The following PDE11A variants were observed in gnomAD, a reference collection of about 807,000 sequenced individuals.
The protein encoded by PDE11A is dual 3',5'-cyclic-AMP and -GMP phosphodiesterase 11A.
A neutral mutation model predicts 100.5 loss-of-function variants in PDE11A; 100 were observed. The ratio of observed to expected loss-of-function variants is 1.00; its 90% confidence interval spans 0.85 to 1.18. PDE11A has a LOEUF of 1.18. Among genes scored for constraint, PDE11A ranks in the 50% most tolerant of loss-of-function variants. PDE11A has a pLI of 0.00. For missense variants in PDE11A, 1,141 were observed against 1,152.6 expected (o/e 0.99, Z 0.15); for synonymous variants, 381 against 420.8 (o/e 0.91, Z 1.16).
intron 10 of PDE11A, among the ~76,000 whole-genome samples, chr2:177,734,701 C>A (rs2081747112): frequency 1.3e-5 from 2 of 152,110 alleles, no homozygotes; most frequent in Admixed American, 6.5e-5. Context: ...TTTGTATAAA[C>A]AATCACAAAA....
chr2:177,659,585 A>G (rs1390961703), intron 19 of PDE11A, among the ~76,000 whole-genome samples: 1 of 152,196 alleles, frequency 6.6e-6, no homozygotes, highest in African/African-American at 2.4e-5. Flanking sequence ...AAGATTTATA[A>G]TGACTCTGCA....
chr2:178,040,104 C>T (rs1400149957), intron 1 of PDE11A, among the ~76,000 whole-genome samples: 1 of 115,802 alleles, frequency 8.6e-6, no homozygotes. Context: ...CACTCTTGTT[C>T]CCCAGGCTGG....
chr2:177,678,906 A>T (rs769994089), intron 16 of PDE11A, among the ~76,000 whole-genome samples: 27 of 152,098 alleles, frequency 1.8e-4, no homozygotes, highest in Admixed American at 9.8e-4. Context: ...TAGTAGTGAC[A>T]CTAGAAGGAT....
intron 9 of PDE11A, among the ~76,000 whole-genome samples, chr2:177,789,820 C>T (rs919677289): frequency 2.0e-5 from 3 of 151,976 alleles, no homozygotes; most frequent in African/African-American, 4.8e-5. Flanking sequence ...TACCTAGGAA[C>T]CCAACTTACA....
chr2:177,843,197 A>G (rs2083518766), intron 5 of PDE11A, among the ~76,000 whole-genome samples: 1 of 152,222 alleles, frequency 6.6e-6, no homozygotes, highest in South Asian at 2.1e-4. Flanking sequence ...TATTTTATAG[A>G]TCAGAAAATG....
At chr2:178,021,637 C>T (rs1358130640) in intron 1 of PDE11A, among the ~76,000 whole-genome samples, 2 of 152,094 alleles carry the variant, frequency 1.3e-5, no homozygotes, top group African/African-American at 4.8e-5. Flanking sequence ...CAAGTAATCA[C>T]CACAAATGAG....
intron 2 of PDE11A, among the ~76,000 whole-genome samples, chr2:177,966,049 T>C (rs578081018): frequency 6.6e-6 from 1 of 152,334 alleles, no homozygotes; most frequent in African/African-American, 2.4e-5. Context: ...TGTTTCGTAA[T>C]TCACATTGCA....
At chr2:177,784,507 A>C (rs903789677) in intron 9 of PDE11A, among the ~76,000 whole-genome samples, 5 of 152,190 alleles carry the variant, frequency 3.3e-5, no homozygotes, top group Non-Finnish European at 7.3e-5. Context: ...TTAGCACATA[A>C]TCAAAAAATA....
intron 13 of PDE11A, among the ~76,000 whole-genome samples, chr2:177,708,489 G>A (rs571693087): frequency 6.6e-6 from 1 of 152,316 alleles, no homozygotes; most frequent in Admixed American, 6.5e-5. Context: ...TTTGAGGCAG[G>A]AGGGAGAAGA....
At chr2:177,659,467 T>C (rs1197077446) in intron 19 of PDE11A, among the ~76,000 whole-genome samples, 1 of 152,092 alleles carries the variant, frequency 6.6e-6, no homozygotes, top group African/African-American at 2.4e-5. Flanking sequence ...TCCTTTTGCA[T>C]TATCTGTGAG....
rs761241688 is a variant in PDE11A, at chr2:178,072,001, T to C, written c.437A>G (p.Gln146Arg). The C allele has an allele frequency of 6.2e-7, 1 of 1,614,156 alleles. No individual in the cohort carries two copies. The highest frequency in any genetic ancestry group is 8.5e-7 in the Non-Finnish European group (1 of 1,180,006). ...CCGTCGTACACTACTCAGGGGTTCC[T>C]GAGCCCGGGAGGTCACCTGTTCATC... The part of the protein sequence containing the change: ...TYDEQVTSRA[Q>R]EPLSSVRRRA... Residue 146 changes from glutamine (Q) to arginine (R), a missense_variant, in exon 1 of 20, where the codon CAG becomes CGG. Gln to Arg is a conservative substitution (Grantham distance 43). Coordinates refer to ENST00000286063, the MANE Select transcript of PDE11A (RefSeq NM_016953.4).
At chr2:177,970,556 G>A (rs1362854826) in intron 2 of PDE11A, among the ~76,000 whole-genome samples, 2 of 151,972 alleles carry the variant, frequency 1.3e-5, no homozygotes, top group Non-Finnish European at 2.9e-5. Flanking sequence ...GAGGAAGTTA[G>A]TGAGTTTGAT....
intron 6 of PDE11A, among the ~76,000 whole-genome samples, chr2:177,829,944 T>C (rs986313604): frequency 2.5e-4 from 38 of 152,272 alleles, no homozygotes; most frequent in African/African-American, 9.1e-4. Flanking sequence ...CCTGAGATTA[T>C]ATAAGCCACT....
intron 4 of PDE11A, among the ~76,000 whole-genome samples, chr2:177,896,512 T>C (rs2084614500): frequency 6.6e-6 from 1 of 152,170 alleles, no homozygotes. Context: ...ACAGGGACCT[T>C]GGGGTGGTTC....
chr2:178,087,345 C>A, intron 2 of PDE11A, among the ~76,000 whole-genome samples: 1 of 149,204 alleles, frequency 6.7e-6, no homozygotes, highest in African/African-American at 2.5e-5. Context: ...TAGAGCAAGA[C>A]TCCAACTCAA....
intron 2 of PDE11A, among the ~76,000 whole-genome samples, chr2:177,969,210 T>C (rs1389420600): frequency 1.3e-5 from 2 of 151,584 alleles, no homozygotes; most frequent in Non-Finnish European, 2.9e-5. Flanking sequence ...TAAATGGGAG[T>C]TGAACAATGA....
chr2:177,819,938 A>G (rs1398023215), intron 7 of PDE11A, among the ~76,000 whole-genome samples: 1 of 121,520 alleles, frequency 8.2e-6, no homozygotes. Context: ...CTCTGCCTCT[A>G]TTTCCACAGG....
chr2:177,788,245 C>T lies in PDE11A; in HGVS notation c.1738-18872G>A, dbSNP rs937994681. On this transcript the variant is annotated intron_variant, in intron 9 of 19. Coordinates refer to ENST00000286063, the MANE Select transcript of PDE11A (RefSeq NM_016953.4). The stretch of plus-strand genomic sequence containing the variant: ...CAGGATTAAGAAACTCACTCAAAAC[C>T]GCTCAACTACATGGAAACTGAACAA... Among the ~76,000 whole-genome samples the T allele has an allele frequency of 9.0e-4, 135 of 149,560 alleles. 3 individuals carry two copies. The highest frequency in any genetic ancestry group is 2.4e-3 in the African/African-American group (98 of 40,384).
At chr2:177,681,457 G>GCTTGCTGTGCAA (rs58944470) in intron 15 of PDE11A, among the ~76,000 whole-genome samples, 1 of 152,060 alleles carries the variant, frequency 6.6e-6, no homozygotes, top group Non-Finnish European at 1.5e-5. Context: ...TCAGCAACTC[G>GCTTGCTGTGCAA]CTTTGGAAAG....
Sources: gnomAD v4.1 joint callset for allele counts (sites outside exome capture counted in the v4.1 genomes callset) on GRCh38, gnomAD v4.1.1 for gene constraint, MANE v1.5 for transcripts, NCBI Gene and HGNC (gene_info 2026-07-23, HGNC 2026-07-21) for gene names.